The following STXBP5 variants were observed in gnomAD, a reference collection of about 807,000 sequenced individuals.
The protein encoded by STXBP5 is syntaxin-binding protein 5.
In STXBP5, 50 loss-of-function variants were observed where a neutral mutation model predicts 152.4. The ratio of observed to expected loss-of-function variants is 0.33; its 90% CI spans 0.26 to 0.42. The LOEUF is 0.42. Among genes scored for constraint, STXBP5 ranks in the 10% least tolerant of loss-of-function variants. The pLI is 1.00. For synonymous variants in STXBP5, 492 were observed against 494.7 expected (o/e 0.99, Z 0.07); for missense variants, 1,167 against 1,388.6 (o/e 0.84, Z 2.54).
chr6:147,338,261 A>G (rs1046313413), intron 19 of STXBP5, among the ~76,000 whole-genome samples: 3 of 152,080 alleles, frequency 2.0e-5, no homozygotes, highest in Non-Finnish European at 4.4e-5. Flanking sequence ...GAGGAAGGTC[A>G]TATGTGCATA....
intron 26 of STXBP5, among the ~76,000 whole-genome samples, chr6:147,375,673 TG>T (rs1463070352): frequency 6.6e-6 from 1 of 151,168 alleles, no homozygotes; most frequent in African/African-American, 2.4e-5. Flanking sequence ...TTTTTAGAAT[TG>T]ATACAGTGAT....
intron 25 of STXBP5, among the ~76,000 whole-genome samples, chr6:147,370,910 G>A (rs1785509052): frequency 6.6e-6 from 1 of 151,980 alleles, no homozygotes; most frequent in Non-Finnish European, 1.5e-5. Flanking sequence ...TTGATGCACT[G>A]TAAAGGACTT....
chr6:147,335,385 C>A (rs1030312978), intron 19 of STXBP5, among the ~76,000 whole-genome samples: 2 of 152,164 alleles, frequency 1.3e-5, no homozygotes, highest in African/African-American at 4.8e-5. Flanking sequence ...ACTTTCTCAT[C>A]TTCCCCAAAA....
chr6:147,387,224 A>G lies in STXBP5; in HGVS notation c.*2469A>G, dbSNP rs1786383751. ...CAGTAATAACTAACCCAGGGAATTT[A>G]CTGTAATTTGAGAGGTAACATCTCT... On this transcript the variant is annotated 3_prime_UTR_variant, in exon 28 of 28. Transcript: ENST00000321680. 6.6e-6 allele frequency: 1 copy of G among 151,694 alleles called. No homozygotes were observed. Among genetic ancestry groups the G allele is most frequent in the African/African-American group, 2.4e-5 (1 of 41,392 alleles). 9.4% of individuals were successfully genotyped at this position (151,694 alleles called of 1,614,324 possible).
chr6:147,322,063 A>T (rs934944962), intron 16 of STXBP5, among the ~76,000 whole-genome samples: 2 of 152,146 alleles, frequency 1.3e-5, no homozygotes, highest in African/African-American at 4.8e-5. Context: ...CCATATATGT[A>T]CTTCTAAAAT....
chr6:147,363,607 A>G lies in STXBP5; in HGVS notation c.2818A>G (p.Thr940Ala), dbSNP rs1234795045. ...GAACTGTGCTTATAAGCAAAATATT[A>G]CAGAGACCTCGTTTGTGCTTCGTGG... ...TQNCAYKQNI[T>A]ETSFVLRGDI... Residue 940 changes from threonine to alanine, a missense_variant, in exon 24 of 28, where the codon ACA becomes GCA. This residue lies in a region of STXBP5 where 833 missense variants were observed against 986.3 expected (regional missense o/e 0.84). Transcript: ENST00000321680. The G allele has an allele frequency of 6.2e-7, 1 of 1,614,042 alleles. No homozygotes were observed. Among genetic ancestry groups the G allele is most frequent in the Admixed American group, 1.7e-5 (1 of 59,998 alleles).
intron 19 of STXBP5, 75 bp downstream of exon 19, chr6:147,334,297 G>A (rs1215396606): frequency 1.5e-6 from 2 of 1,333,074 alleles, no homozygotes; most frequent in African/African-American, 3.0e-5. Flanking sequence ...TGTACATTTT[G>A]ATAGATATGC....
intron 16 of STXBP5, among the ~76,000 whole-genome samples, chr6:147,322,927 A>G (rs1049332720): frequency 2.9e-4 from 44 of 152,316 alleles, no homozygotes; most frequent in African/African-American, 1.0e-3. Context: ...AGTTTAGTTC[A>G]GCATGGATTT....
At chr6:147,222,644 C>T (rs980635137) in intron 2 of STXBP5, among the ~76,000 whole-genome samples, 1 of 152,178 alleles carries the variant, frequency 6.6e-6, no homozygotes, top group Admixed American at 6.5e-5. Context: ...GTTAGGCTCT[C>T]GTAAAAGTGT....
chr6:147,302,615 G>C lies in STXBP5; in HGVS notation c.918-7469G>C, dbSNP rs576339943. The stretch of plus-strand genomic sequence containing the variant: ...GCAGATCATGAGGTCAGGAGTTTGA[G>C]ACCAGCCTGGCCAATATGGTGAAAC... On this transcript the variant is annotated intron_variant, in intron 9 of 27. Transcript: ENST00000321680. Among the ~76,000 whole-genome samples the C allele has an allele frequency of 4.9e-5, 7 of 142,986 alleles. No homozygotes were observed. In the South Asian group the frequency reaches 1.7e-3, roughly 34 times the overall value. The allele number at this position is 142,986 out of a possible 152,430, so 93.8% of individuals were successfully genotyped here. A position where few individuals can be genotyped will look rare whatever the true frequency, so the allele number is the denominator to read the frequency against.
At chr6:147,321,444 T>C (rs915542252) in intron 16 of STXBP5, among the ~76,000 whole-genome samples, 1 of 152,164 alleles carries the variant, frequency 6.6e-6, no homozygotes, top group South Asian at 2.1e-4. Flanking sequence ...TTTAAAAAAT[T>C]AGCCAGGTGT....
intron 26 of STXBP5, among the ~76,000 whole-genome samples, chr6:147,378,701 A>G (rs1036861639): frequency 6.6e-6 from 1 of 152,150 alleles, no homozygotes; most frequent in Non-Finnish European, 1.5e-5. Context: ...AAAAGAATCT[A>G]TAGCTAAATT....
chr6:147,357,844 G>A (rs1784882370), intron 22 of STXBP5, among the ~76,000 whole-genome samples: 1 of 152,086 alleles, frequency 6.6e-6, no homozygotes, highest in Admixed American at 6.6e-5. Flanking sequence ...TACTGGTTTG[G>A]GGGAAATTAT....
intron 18 of STXBP5, among the ~76,000 whole-genome samples, chr6:147,333,239 AGGCTGGGCATGGT>A: frequency 6.6e-6 from 1 of 152,188 alleles, no homozygotes; most frequent in Non-Finnish European, 1.5e-5. Flanking sequence ...ACTAATTCTC[AGGCTGGGCATGGT>A]GGCTCACACC....
chr6:147,314,178 TA>T, intron 12 of STXBP5, 85 bp from the exon 13 acceptor site: 2 of 1,333,480 alleles, frequency 1.5e-6, no homozygotes, highest in Non-Finnish European at 2.1e-6. Context: ...TTCACTGGAT[TA>T]TTTACACACA....
rs1562269758 is a variant in STXBP5 at position 147,363,338 on chromosome 6, C to T, written c.2549C>T (p.Thr850Ile). 10 of 1,575,072 alleles carry T rather than the reference C, an allele frequency of 6.3e-6. No individual in the cohort carries two copies. The highest frequency in any genetic ancestry group is 8.6e-6 in the Non-Finnish European group (10 of 1,165,596). Reference protein sequence around the residue: ...LQPVIVSPSGTILRLKGAILR... With the variant: ...LQPVIVSPSGIILRLKGAILR... ...TTACTAGACTTCTATATTTTAGGTA[C>T]TATATTGAGGTTAAAAGGTGCAATC... is the stretch of plus-strand genomic sequence containing the variant. Residue 850 changes from threonine (T) to isoleucine (I), a missense_variant, in exon 24 of 28, where the codon ACT becomes ATT. Transcript: ENST00000321680.
chr6:147,375,408 AATAG>A (rs1785759946), intron 26 of STXBP5, among the ~76,000 whole-genome samples: 1 of 152,130 alleles, frequency 6.6e-6, no homozygotes, highest in Non-Finnish European at 1.5e-5. Flanking sequence ...TTAAAAACCC[AATAG>A]ATAGGCTTAA....
At chr6:147,344,255 ACTGT>A (rs1041951898) in intron 21 of STXBP5, among the ~76,000 whole-genome samples, 1 of 152,122 alleles carries the variant, frequency 6.6e-6, no homozygotes, top group Non-Finnish European at 1.5e-5. Flanking sequence ...CCTCTATTGA[ACTGT>A]CTTTTTTTAC....
intron 7 of STXBP5, among the ~76,000 whole-genome samples, chr6:147,273,816 G>C (rs557317135): frequency 1.3e-5 from 2 of 152,132 alleles, no homozygotes; most frequent in Non-Finnish European, 2.9e-5. Context: ...GCCAGGTGTG[G>C]TGGTGGGCAC....
Sources: allele counts gnomAD v4.1 joint callset (sites outside exome capture counted in the v4.1 genomes callset), GRCh38; gene constraint gnomAD v4.1.1; regional missense constraint gnomAD v4.1.1; transcripts MANE v1.5; gene names NCBI Gene and HGNC (gene_info 2026-07-23, HGNC 2026-07-21).